The following SH3GLB1 variants were observed in gnomAD, a reference collection of about 807,000 sequenced individuals.
SH3GLB1 encodes SH3 domain containing GRB2 like, endophilin B1.
A neutral mutation model predicts 42.0 loss-of-function variants in SH3GLB1; 17 were observed. The ratio of observed to expected loss-of-function variants is 0.40; its 90% confidence interval spans 0.28 to 0.61. SH3GLB1 has a LOEUF of 0.61. Among genes scored for constraint, SH3GLB1 ranks in the 20% least tolerant of loss-of-function variants. The pLI is 0.36. For missense variants in SH3GLB1, 355 were observed against 426.3 expected, an observed-to-expected ratio of 0.83 and a Z score of 1.47; for synonymous variants, 132 against 146.6, an observed-to-expected ratio of 0.90 and a Z score of 0.72.
At position 86,745,837 on chromosome 1, in the gene SH3GLB1, G is replaced by C. The variant is rs1656274980; in HGVS notation, c.*2602G>C. 1 of 152,456 alleles carries C rather than the reference G, an allele frequency of 6.6e-6. No individual in the cohort carries two copies. Among genetic ancestry groups the C allele is most frequent in the South Asian group, 2.1e-4 (1 of 4,824 alleles). The allele number at this position is 152,456 out of a possible 1,614,324, so 9.4% of individuals were successfully genotyped here. A position where few individuals can be genotyped will look rare whatever the true frequency, so the allele number is the denominator to read the frequency against. On this transcript the variant is annotated 3_prime_UTR_variant, in exon 9 of 9. Transcript: ENST00000370558. ...GCCTATTAATTCATGGTGCAGTTCA[G>C]AATTGTTTAAATAAGCTCTGTGCCA...
At position 86,704,920 on chromosome 1, in the gene SH3GLB1, C is replaced by T; in HGVS notation, c.21C>T (p.Asn7=). 1.3e-6 allele frequency: 2 copies of T among 1,585,414 alleles called. No homozygotes were observed. The highest frequency in any genetic ancestry group is 1.7e-6 in the Non-Finnish European group (2 of 1,168,256). Residue 7 remains asparagine, a synonymous_variant, in exon 1 of 9, where the codon AAC becomes AAT. Coordinates refer to ENST00000370558, the MANE Select transcript of SH3GLB1 (RefSeq NM_016009.5). ...CTAGGATGAATATCATGGACTTCAA[C>T]GTGAAGAAGCTGGCGGCCGACGCAG... The part of the protein sequence containing the change: MNIMDF[N]VKKLAADAGT...
rs1340332599 is a variant in SH3GLB1 at position 86,746,343 on chromosome 1, C to T, written c.*3108C>T. ...TGCTGACAGAATTCCAGAAAAATTC[C>T]TTCCCTATCTCCCAAACACCTGAAA... On this transcript the variant is annotated 3_prime_UTR_variant, in exon 9 of 9. Transcript: ENST00000370558. The T allele has an allele frequency of 6.6e-6, 1 of 152,222 alleles. No individual in the cohort carries two copies. Among genetic ancestry groups the T allele is most frequent in the African/African-American group, 2.4e-5 (1 of 41,430 alleles). The allele number at this position is 152,222 out of a possible 1,614,324, so 9.4% of individuals were successfully genotyped here.
At chr1:86,731,389 C>T (rs1248525155) in intron 5 of SH3GLB1, among the ~76,000 whole-genome samples, 1 of 152,100 alleles carries the variant, frequency 6.6e-6, no homozygotes. Context: ...GGTTATAGAG[C>T]TGTTGATTCT....
At chr1:86,724,947 A>ATGTATTT (rs1449683283) in intron 5 of SH3GLB1, among the ~76,000 whole-genome samples, 2 of 143,780 alleles carry the variant, frequency 1.4e-5, no homozygotes, top group African/African-American at 5.2e-5. Flanking sequence ...GTATATATAT[A>ATGTATTT]AAATATATAA....
At chr1:86,739,464 C>A (rs1655950658) in intron 7 of SH3GLB1, among the ~76,000 whole-genome samples, 1 of 152,270 alleles carries the variant, frequency 6.6e-6, no homozygotes, top group East Asian at 1.9e-4. Flanking sequence ...GATTTAGGAA[C>A]ATTAAAGTCA....
At position 86,722,541 on chromosome 1, in the gene SH3GLB1, T is replaced by C. The variant is rs371476786; in HGVS notation, c.345T>C (p.Gly115=). 1 of 1,586,160 alleles carries C rather than the reference T, an allele frequency of 6.3e-7. No homozygotes were observed. The highest frequency in any genetic ancestry group is 8.5e-7 in the Non-Finnish European group (1 of 1,170,194). The stretch of plus-strand genomic sequence containing the variant: ...TTTAAAAACATTTTTCCTTTGCAGG[T>C]AATGCCCTTATTAAATGTGGAGAAA... ...GTEFGPGTAY[G]NALIKCGETQ... Residue 115 remains glycine (G), a splice_region_variant and synonymous_variant, in exon 4 of 9, where the codon GGT becomes GGC. Coordinates refer to ENST00000370558, the MANE Select transcript of SH3GLB1 (RefSeq NM_016009.5).
chr1:86,730,422 A>G, intron 5 of SH3GLB1: 1 of 954,960 alleles, frequency 1.0e-6, no homozygotes, highest in Non-Finnish European at 1.2e-6. Context: ...TTTTTTAATA[A>G]CAATTTTTAA....
intron 1 of SH3GLB1, among the ~76,000 whole-genome samples, chr1:86,713,920 A>G (rs1442650215): frequency 4.6e-5 from 7 of 152,204 alleles, no homozygotes; most frequent in Admixed American, 4.6e-4. Context: ...CAGAAACCTT[A>G]TATGTTTTGT....
intron 7 of SH3GLB1, among the ~76,000 whole-genome samples, chr1:86,735,632 A>C (rs924717774): frequency 6.6e-5 from 10 of 152,234 alleles, no homozygotes; most frequent in Admixed American, 3.9e-4. Flanking sequence ...AATATACTTC[A>C]AAGCAAAATG....
chr1:86,720,351 A>G (rs1418156301), intron 3 of SH3GLB1, among the ~76,000 whole-genome samples: 2 of 152,210 alleles, frequency 1.3e-5, no homozygotes, highest in African/African-American at 4.8e-5. Flanking sequence ...TGCTTTTGTT[A>G]TAATTTTGCA....
chr1:86,709,063 G>T (rs557755472), intron 1 of SH3GLB1, among the ~76,000 whole-genome samples: 4 of 152,208 alleles, frequency 2.6e-5, no homozygotes, highest in Non-Finnish European at 4.4e-5. Flanking sequence ...AGCTGATAAG[G>T]CTTCTTAGAC....
intron 1 of SH3GLB1, among the ~76,000 whole-genome samples, chr1:86,707,978 A>G (rs1653970518): frequency 6.6e-6 from 1 of 152,162 alleles, no homozygotes; most frequent in Non-Finnish European, 1.5e-5. Context: ...AAAGAAAAAA[A>G]CAGAAGTCGC....
intron 3 of SH3GLB1, among the ~76,000 whole-genome samples, chr1:86,721,665 C>T (rs1397530555): frequency 6.6e-6 from 1 of 152,098 alleles, no homozygotes. Flanking sequence ...TCACTATGAA[C>T]TATTACTTAT....
rs1654500867 is a variant in SH3GLB1 at position 86,715,958 on chromosome 1, G to A, written c.214+93G>A. The A allele has an allele frequency of 2.2e-6, 3 of 1,353,264 alleles. No homozygotes were observed. The Admixed American group carries it at 8.1e-5, about 37-fold the overall frequency. 83.8% of individuals were successfully genotyped at this position (1,353,264 alleles called of 1,614,324 possible). A position where few individuals can be genotyped will look rare whatever the true frequency, so the allele number is the denominator to read the frequency against. On this transcript the variant is annotated intron_variant, in intron 2 of 8. Transcript: ENST00000370558. ...TTTTAATGGCCATCTGAAAACATAG[G>A]ATTTTTTTATTGTAGCTTCAAGGTC... is the stretch of plus-strand genomic sequence containing the variant.
At chr1:86,726,153 T>A (rs562588848) in intron 5 of SH3GLB1, among the ~76,000 whole-genome samples, 1 of 152,240 alleles carries the variant, frequency 6.6e-6, no homozygotes, top group Non-Finnish European at 1.5e-5. Flanking sequence ...ATATTTTAAC[T>A]GGGACAGAAT....
At chr1:86,737,182 AT>A (rs1655818503) in intron 7 of SH3GLB1, among the ~76,000 whole-genome samples, 1 of 152,230 alleles carries the variant, frequency 6.6e-6, no homozygotes, top group Non-Finnish European at 1.5e-5. Context: ...TTTTTTAATA[AT>A]TGGAAGGCTT....
intron 8 of SH3GLB1, 49 bp downstream of exon 8, chr1:86,742,485 C>T (rs1656107290): frequency 7.2e-7 from 1 of 1,381,978 alleles, no homozygotes; most frequent in African/African-American, 1.4e-5. Context: ...ATTGACATAC[C>T]TTCTAATATT....
chr1:86,704,980 G>C lies in SH3GLB1; in HGVS notation c.72+9G>C, dbSNP rs749855850. 7 of 1,563,570 alleles carry C rather than the reference G, an allele frequency of 4.5e-6. No homozygotes were observed. The Admixed American group carries it at 7.3e-5, about 16-fold the overall frequency. On this transcript the variant is annotated intron_variant, in intron 1 of 8. Transcript: ENST00000370558. ...TCAGTCGCGCCGTGCAGGTACCCTG[G>C]TGCTGGGGGGAAAAGGGGTGGCGGC...
At chr1:86,706,654 T>C (rs1653883454) in intron 1 of SH3GLB1, among the ~76,000 whole-genome samples, 1 of 152,194 alleles carries the variant, frequency 6.6e-6, no homozygotes, top group South Asian at 2.1e-4. Flanking sequence ...CTAGAGCCCT[T>C]GGTATTTTTG....
Sources: allele counts gnomAD v4.1 joint callset (sites outside exome capture counted in the v4.1 genomes callset), GRCh38; gene constraint gnomAD v4.1.1; transcripts MANE v1.5; gene names NCBI Gene and HGNC (gene_info 2026-07-23, HGNC 2026-07-21).